The following ELMO2 variants were observed in gnomAD, a reference collection of about 807,000 sequenced individuals.
ELMO2 encodes the protein engulfment and cell motility 2, also known as engulfment and cell motility protein 2.
Under a neutral mutation model 96.2 loss-of-function variants are expected in ELMO2, and 37 were observed. That is an observed-to-expected ratio of 0.38 (90% CI 0.30 to 0.51). The LOEUF (loss-of-function observed/expected upper bound fraction) is 0.51, where lower values mean the gene tolerates loss of function less well. Ranked by LOEUF, ELMO2 falls within the 20% of genes least tolerant of loss-of-function variation. ELMO2 has a pLI of 0.88. For missense variants in ELMO2, 561 were observed against 912.6 expected, an observed-to-expected ratio of 0.61 and a Z score of 4.96; for synonymous variants, 315 against 329.4, an observed-to-expected ratio of 0.96 and a Z score of 0.47.
intron 4 of ELMO2, among the ~76,000 whole-genome samples, chr20:46,393,806 G>C (rs1325400962): frequency 6.6e-6 from 1 of 152,162 alleles, no homozygotes. Context: ...GTGCAGAACT[G>C]AGGAGGGGTC....
chr20:46,376,677 A>G (rs758656581), intron 11 of ELMO2: 4 of 1,288,932 alleles, frequency 3.1e-6, no homozygotes, highest in Non-Finnish European at 4.0e-6. Flanking sequence ...GCTCCCTTGT[A>G]TTTGTCACTC....
intron 1 of ELMO2, among the ~76,000 whole-genome samples, chr20:46,402,939 T>C (rs576107243): frequency 1.1e-3 from 161 of 152,332 alleles, no homozygotes; most frequent in African/African-American, 3.5e-3. Context: ...CTTAACAAGT[T>C]AGGAGCTGTG....
intron 1 of ELMO2, among the ~76,000 whole-genome samples, chr20:46,402,694 G>A (rs1474302498): frequency 6.6e-6 from 1 of 152,210 alleles, no homozygotes; most frequent in Non-Finnish European, 1.5e-5. Context: ...ATCAGGCCAA[G>A]CCCTTTCATT....
intron 9 of ELMO2, 98 bp downstream of exon 9, chr20:46,386,026 G>C: frequency 7.3e-7 from 1 of 1,373,410 alleles, no homozygotes; most frequent in South Asian, 1.4e-5. Context: ...CAACAGCTTG[G>C]AATATAAGCA....
chr20:46,378,376 A>T (rs2059900441), intron 11 of ELMO2, among the ~76,000 whole-genome samples: 1 of 152,208 alleles, frequency 6.6e-6, no homozygotes, highest in African/African-American at 2.4e-5. Context: ...ACTTGTTCAC[A>T]AGGTTTGTCC....
intron 11 of ELMO2, among the ~76,000 whole-genome samples, chr20:46,377,216 G>A (rs535560331): frequency 1.4e-4 from 22 of 152,096 alleles, no homozygotes; most frequent in African/African-American, 5.3e-4. Context: ...AATGCATACC[G>A]GATCTTGAAG....
rs2297058 is a variant in ELMO2, at chr20:46,367,615, C to A, written c.1963-55G>T. On this transcript the variant is annotated intron_variant, in intron 21 of 21. Coordinates refer to ENST00000290246, the MANE Select transcript of ELMO2 (RefSeq NM_133171.5). ...TCGTGACCCCTGGTCAGCAGGAGAT[C>A]CTGCCAAGGTCTCTTTTCTGATGGG... The A allele has an allele frequency of 0.087, 126,626 of 1,455,170 alleles. 7,663 individuals are homozygous for A. The highest frequency in any genetic ancestry group is 0.29 in the African/African-American group (20,614 of 70,094). The allele number at this position is 1,455,170 out of a possible 1,614,324, so 90.1% of individuals were successfully genotyped here.
chr20:46,399,328 C>T (rs564485058), intron 1 of ELMO2, among the ~76,000 whole-genome samples: 1 of 152,328 alleles, frequency 6.6e-6, no homozygotes, highest in African/African-American at 2.4e-5. Context: ...GCTATTTGGT[C>T]CTTTACAATC....
chr20:46,367,839 T>A (rs945613302), intron 21 of ELMO2, among the ~76,000 whole-genome samples: 4 of 152,018 alleles, frequency 2.6e-5, no homozygotes, highest in Non-Finnish European at 5.9e-5. Flanking sequence ...GAGATCTGAG[T>A]ACTGGGGCAT....
intron 6 of ELMO2, 102 bp from the exon 7 acceptor site, chr20:46,389,322 G>T: frequency 1.6e-6 from 2 of 1,245,894 alleles, no homozygotes; most frequent in Non-Finnish European, 2.2e-6. Context: ...CAAACCTGAG[G>T]CAGAACTAGT....
chr20:46,394,101 A>C lies in ELMO2; in HGVS notation c.79-12T>G. On this transcript the variant is annotated splice_polypyrimidine_tract_variant and intron_variant, in intron 3 of 21. Transcript: ENST00000290246. ...GCCAGGGGCCGTTTCTGAAAGAGAG[A>C]GAGAGAAAGCCTTCAACAGCAGCAA... is the stretch of plus-strand genomic sequence containing the variant. 2 of 1,610,826 alleles carry C rather than the reference A, an allele frequency of 1.2e-6. No individual in the cohort carries two copies. The highest frequency in any genetic ancestry group is 1.7e-6 in the Non-Finnish European group (2 of 1,177,198).
chr20:46,387,647 AAAAAAAT>A (rs1170520128), intron 7 of ELMO2: 2 of 232,664 alleles, frequency 8.6e-6, no homozygotes, highest in Non-Finnish European at 1.7e-5. Flanking sequence ...AAAAAAAAAA[AAAAAAAT>A]GTTGCTGGGT....
intron 21 of ELMO2, 105 bp from the exon 22 acceptor site, chr20:46,367,665 T>C (rs1468910124): frequency 1.2e-6 from 1 of 868,922 alleles, no homozygotes; most frequent in Admixed American, 3.4e-5. Flanking sequence ...CTTTTGGAAC[T>C]AATCAGTATA....
chr20:46,388,090 A>C (rs2060082107), intron 7 of ELMO2, among the ~76,000 whole-genome samples: 1 of 152,226 alleles, frequency 6.6e-6, no homozygotes. Context: ...TAGAATTAAC[A>C]GATGATATTC....
intron 7 of ELMO2, among the ~76,000 whole-genome samples, chr20:46,387,953 G>A (rs1287246766): frequency 6.6e-6 from 1 of 152,222 alleles, no homozygotes; most frequent in African/African-American, 2.4e-5. Context: ...CAGGGTTGTG[G>A]AGACGACAAG....
chr20:46,370,639 A>G (rs1211401014), intron 19 of ELMO2, 114 bp from the exon 20 acceptor site: 1 of 943,196 alleles, frequency 1.1e-6, no homozygotes, highest in Non-Finnish European at 1.7e-6. Flanking sequence ...TCAGCCCCAA[A>G]CTCCAAGGGC....
intron 1 of ELMO2, among the ~76,000 whole-genome samples, chr20:46,404,745 A>C (rs2060396871): frequency 6.6e-6 from 1 of 152,236 alleles, no homozygotes; most frequent in South Asian, 2.1e-4. Flanking sequence ...CAAGAACGTA[A>C]AATATCCCAT....
Position 46,375,677 on chromosome 20 carries a change from G to A in ELMO2, c.921C>T (p.Pro307=), listed in dbSNP as rs764422893. The stretch of plus-strand genomic sequence containing the variant: ...CCCACTTAGCACCTACCTGGTCATT[G>A]GGGTCCATCTTGGTCATCATCCTTT... ...LEERMMTKMD[P]NDQAQRDIIF... Residue 307 remains proline, a synonymous_variant, in exon 12 of 22, where the codon CCC becomes CCT. Coordinates refer to ENST00000290246, the MANE Select transcript of ELMO2 (RefSeq NM_133171.5). This position sits in a 1 kb window ranked among gnomAD's most constrained non-coding sequence, Gnocchi z 4.6. 1.2e-5 allele frequency: 20 copies of A among 1,614,092 alleles called. No homozygotes were observed. The highest frequency in any genetic ancestry group is 1.6e-5 in the Non-Finnish European group (19 of 1,179,962).
chr20:46,368,185 T>G (rs2059623889), intron 21 of ELMO2, among the ~76,000 whole-genome samples: 1 of 152,108 alleles, frequency 6.6e-6, no homozygotes, highest in African/African-American at 2.4e-5. Context: ...CTCAACCAAA[T>G]TCCACTAGCG....
Sources: gnomAD v4.1 joint callset for allele counts (sites outside exome capture counted in the v4.1 genomes callset) on GRCh38, gnomAD v4.1.1 for gene constraint, Gnocchi (gnomAD v3.1) non-coding constraint, MANE v1.5 for transcripts, NCBI Gene and HGNC (gene_info 2026-07-23, HGNC 2026-07-21) for gene names.